PCLO: variants seen among roughly 807,000 people sequenced by gnomAD.
PCLO encodes protein piccolo.
Under a neutral mutation model 427.5 loss-of-function variants are expected in PCLO, and 82 were observed. The ratio of observed to expected loss-of-function variants is 0.19; its 90% CI spans 0.16 to 0.23. The LOEUF (loss-of-function observed/expected upper bound fraction) is 0.23. PCLO is among the 10% of genes least tolerant of loss of function. The pLI, the probability that PCLO is intolerant of heterozygous loss-of-function variation, is 1.00. For synonymous variants in PCLO, 2,357 were observed against 2,155.4 expected, an observed-to-expected ratio of 1.09 and a Z score of -2.59; for missense variants, 6,239 against 6,115.9, an observed-to-expected ratio of 1.02 and a Z score of -0.67.
rs758135132 is a variant in PCLO, at chr7:82,955,347, C to T, written c.5606G>A (p.Gly1869Asp). 27 of 1,613,566 alleles carry T rather than the reference C, an allele frequency of 1.7e-5. No homozygotes were observed. Among genetic ancestry groups the T allele is most frequent in the Non-Finnish European group, 2.1e-5 (25 of 1,179,788 alleles). ...TATTTTTTCCGGGCTTATTTCAAAA[C>T]CTTCTGGGTCTGACTCTATGCTAGG... ...YSPSIESDPE[G>D]FEISPEKIIE... is the part of the protein sequence containing the mutation. The change falls in exon 5 of 25, where the codon GGT becomes GAT. Residue 1869 changes from glycine to aspartate, a missense_variant. Gly to Asp is a moderately conservative substitution (Grantham distance 94, BLOSUM62 -1). Coordinates refer to ENST00000333891, the MANE Select transcript of PCLO (RefSeq NM_033026.6).
chr7:83,102,180 A>T (rs1444267945), intron 3 of PCLO, among the ~76,000 whole-genome samples: 1 of 152,028 alleles, frequency 6.6e-6, no homozygotes, highest in African/African-American at 2.4e-5. Context: ...AAATCAAGTT[A>T]TAAGTATGGT....
chr7:82,902,558 C>T, intron 9 of PCLO, 93 bp downstream of exon 9: 2 of 697,674 alleles, frequency 2.9e-6, no homozygotes, highest in Non-Finnish European at 4.9e-6. Context: ...CACATGTACC[C>T]TAAAACTGAA....
intron 10 of PCLO, among the ~76,000 whole-genome samples, chr7:82,868,805 C>T (rs531947526): frequency 5.4e-4 from 82 of 152,226 alleles, no homozygotes; most frequent in Non-Finnish European, 1.0e-3. Context: ...ATATTTCTAT[C>T]TTAGCTCCAA....
rs565682471 is a variant in PCLO, at chr7:83,100,045, C to T, written c.3300+34205G>A. On this transcript the variant is annotated intron_variant, in intron 3 of 24. Transcript: ENST00000333891. Reference sequence around the variant, plus strand: ...AAGAATCTCTGATATTCTAGAGATACACAAACACACACAATATATTTATAT... The same window carrying T: ...AAGAATCTCTGATATTCTAGAGATATACAAACACACACAATATATTTATAT... Among the ~76,000 whole-genome samples the T allele has an allele frequency of 2.0e-5, 3 of 152,234 alleles. No homozygotes were observed. In the East Asian group the frequency reaches 5.8e-4, roughly 29 times the overall value.
At position 83,162,543 on chromosome 7, in the gene PCLO, G is replaced by C; in HGVS notation, c.50C>G (p.Ala17Gly). 1 of 1,553,526 alleles carries C rather than the reference G, an allele frequency of 6.4e-7. No homozygotes were observed. Among genetic ancestry groups the C allele is most frequent in the Non-Finnish European group, 8.7e-7 (1 of 1,149,858 alleles). Residue 17 changes from alanine to glycine, a missense_variant, in exon 1 of 25, where the codon GCG (alanine) becomes GGG (glycine). Around this residue, in one of 5 missense-constraint regions of PCLO, gnomAD observed 4,677 missense variants for 4,468.4 expected, o/e 1.05. Coordinates refer to ENST00000333891, the MANE Select transcript of PCLO (RefSeq NM_033026.6). Reference sequence around the variant, plus strand: ...TCCTCCTCCAGCCGCTGCGGCCGCCGCCAGCCCTTCGGGGAGCCCTTCCCC... The same window carrying C: ...TCCTCCTCCAGCCGCTGCGGCCGCCCCCAGCCCTTCGGGGAGCCCTTCCCC... Reference protein sequence around the residue: ...LEGEGLPEGLAAAAAAGGGAS... With the variant: ...LEGEGLPEGLGAAAAAGGGAS...
intron 3 of PCLO, among the ~76,000 whole-genome samples, chr7:83,068,175 T>G (rs2116341467): frequency 1.3e-5 from 2 of 152,146 alleles, no homozygotes; most frequent in South Asian, 4.2e-4. Flanking sequence ...ATGAAGAAAT[T>G]AGGCTGAAAC....
intron 3 of PCLO, among the ~76,000 whole-genome samples, chr7:83,027,351 T>C (rs1280622534): frequency 5.9e-5 from 9 of 151,858 alleles, no homozygotes; most frequent in Admixed American, 2.0e-4. Context: ...ATCTAGAAAA[T>C]CTAGAAGAAA....
chr7:83,062,886 T>C (rs1023208960), intron 3 of PCLO, among the ~76,000 whole-genome samples: 2 of 152,142 alleles, frequency 1.3e-5, no homozygotes, highest in African/African-American at 4.8e-5. Flanking sequence ...TTCTATATGA[T>C]TGCATTGACT....
intron 20 of PCLO, among the ~76,000 whole-genome samples, chr7:82,816,184 A>T (rs1791675251): frequency 6.6e-6 from 1 of 152,160 alleles, no homozygotes; most frequent in Non-Finnish European, 1.5e-5. Context: ...GTGAAATATT[A>T]TGGTTTACAT....
At chr7:82,988,217 A>G (rs2115822223) in intron 3 of PCLO, among the ~76,000 whole-genome samples, 1 of 152,078 alleles carries the variant, frequency 6.6e-6, no homozygotes, top group African/African-American at 2.4e-5. Context: ...TTTAGTAGAG[A>G]TGAGGGCTCA....
chr7:83,138,799 G>A (rs913718397), intron 2 of PCLO, among the ~76,000 whole-genome samples: 8 of 151,622 alleles, frequency 5.3e-5, no homozygotes, highest in African/African-American at 1.9e-4. Context: ...GACACAGGGA[G>A]GAGAACATCA....
At chr7:82,893,054 C>G (rs1319119585) in intron 9 of PCLO, among the ~76,000 whole-genome samples, 1 of 152,052 alleles carries the variant, frequency 6.6e-6, no homozygotes, top group Non-Finnish European at 1.5e-5. Context: ...ACCATTTGAC[C>G]CAGCCATCCC....
At chr7:83,045,838 G>A (rs1789091840) in intron 3 of PCLO, among the ~76,000 whole-genome samples, 2 of 152,010 alleles carry the variant, frequency 1.3e-5, no homozygotes, top group Admixed American at 1.3e-4. Flanking sequence ...GATTCTAAGG[G>A]CCAAGATATT....
At chr7:83,046,654 C>A (rs1243365795) in intron 3 of PCLO, among the ~76,000 whole-genome samples, 1 of 151,902 alleles carries the variant, frequency 6.6e-6, no homozygotes, top group Non-Finnish European at 1.5e-5. Context: ...CTTGTGAATT[C>A]TTATTTTATT....
At chr7:82,860,915 A>G (rs1403404199) in intron 10 of PCLO, among the ~76,000 whole-genome samples, 1 of 152,070 alleles carries the variant, frequency 6.6e-6, no homozygotes, top group Non-Finnish European at 1.5e-5. Context: ...GGGTTATAAG[A>G]TAGTATTTGC....
chr7:83,159,701 T>C (rs1038733016), intron 1 of PCLO, among the ~76,000 whole-genome samples: 26 of 152,040 alleles, frequency 1.7e-4, no homozygotes, highest in African/African-American at 6.3e-4. Context: ...AAATTTTTCA[T>C]AAATGGAACA....
intron 3 of PCLO, among the ~76,000 whole-genome samples, chr7:83,012,301 T>C (rs1382936058): frequency 1.3e-5 from 2 of 152,050 alleles, no homozygotes; most frequent in African/African-American, 4.8e-5. Context: ...AATAGGAGCC[T>C]AGAGTTGACT....
In PCLO at chr7:83,162,341, A is replaced by G. The variant is rs2116713352; in HGVS notation, c.248+4T>C. 6.3e-7 allele frequency: 1 copy of G among 1,595,868 alleles called. No individual in the cohort carries two copies. Among genetic ancestry groups the G allele is most frequent in the Non-Finnish European group, 8.5e-7 (1 of 1,171,662 alleles). ...CCCGGACATATACATCATGCTGTGC[A>G]TGCCTGTGCATGGAAGGCGACTCCG... On this transcript the variant is annotated splice_donor_region_variant and intron_variant, in intron 1 of 24. Transcript: ENST00000333891.
rs745527818 is a variant in PCLO at position 82,966,250 on chromosome 7, G to C, written c.3538C>G (p.Leu1180Val). The change falls in exon 4 of 25, where the codon CTA (leucine) becomes GTA (valine). Residue 1180 changes from leucine (L) to valine (V), a missense_variant. Leu to Val is a conservative substitution (Grantham distance 32, BLOSUM62 1). Around this residue, in one of 5 missense-constraint regions of PCLO, gnomAD observed 4,677 missense variants for 4,468.4 expected, o/e 1.05. Transcript: ENST00000333891. ...KVILEKVKET[L>V]SMEKIPPMVT... is the part of the protein sequence containing the mutation. ...ATAGGAGGAATTTTTTCCATTGATA[G>C]TGTTTCCTTTACTTTTTCCAGAATG... 1 of 1,610,922 alleles carries C rather than the reference G, an allele frequency of 6.2e-7. No individual in the cohort carries two copies. The highest frequency in any genetic ancestry group is 8.5e-7 in the Non-Finnish European group (1 of 1,179,270).
Sources: gnomAD v4.1 joint callset for allele counts (sites outside exome capture counted in the v4.1 genomes callset) on GRCh38, gnomAD v4.1.1 for gene constraint, gnomAD v4.1.1 regional missense constraint, MANE v1.5 for transcripts, NCBI Gene and HGNC (gene_info 2026-07-23, HGNC 2026-07-21) for gene names.